The following TBKBP1 variants were observed in gnomAD, a reference collection of about 807,000 sequenced individuals.
The protein encoded by TBKBP1 is TBK1 binding protein 1.
Under a neutral mutation model 69.9 loss-of-function variants are expected in TBKBP1, and 47 were observed. That is an observed-to-expected ratio of 0.67 (90% confidence interval 0.53 to 0.86). TBKBP1 has a LOEUF of 0.86. Ranked by LOEUF, TBKBP1 falls within the 40% of genes least tolerant of loss-of-function variation. The pLI is 0.00. For synonymous variants in TBKBP1, 418 were observed against 390.3 expected (o/e 1.07, Z -0.84); for missense variants, 831 against 858.6 (o/e 0.97, Z 0.40).
At chr17:47,694,507 T>C (rs67919208) in intron 1 of TBKBP1, 80,960 of 151,478 alleles carry the variant, frequency 0.53, 22,151 homozygotes, top group African/African-American at 0.64. Flanking sequence ...CGACAATTTC[T>C]GTCGGCCGAG....
In TBKBP1 at chr17:47,699,465, G is replaced by C; in HGVS notation, c.780G>C (p.Glu260Asp). 1 of 1,573,540 alleles carries C rather than the reference G, an allele frequency of 6.4e-7. No homozygotes were observed. Among genetic ancestry groups the C allele is most frequent in the South Asian group, 1.2e-5 (1 of 86,584 alleles). The change falls in exon 6 of 10, where the codon GAG (glutamate) becomes GAC (aspartate). Residue 260 changes from glutamate to aspartate, a missense_variant. By Grantham distance (45) the Glu-to-Asp change is conservative. Coordinates refer to ENST00000578982, the MANE Select transcript of TBKBP1 (RefSeq NM_001394755.1). ...CCGAGTGCGAGCGGCTGCAGGGGGA[G>C]CTGAAGCAGCTGCAGGAGACCCGGG... is the stretch of plus-strand genomic sequence containing the variant. Reference protein sequence around the residue: ...LQAECERLQGELKQLQETRAQ... With the variant: ...LQAECERLQGDLKQLQETRAQ...
Position 47,708,669 on chromosome 17 carries a change from C to T in TBKBP1, c.992-56C>T. 1 of 1,467,458 alleles carries T rather than the reference C, an allele frequency of 6.8e-7. No individual in the cohort carries two copies. Among genetic ancestry groups the T allele is most frequent in the South Asian group, 1.4e-5 (1 of 73,540 alleles). The allele number at this position is 1,467,458 out of a possible 1,614,324, so 90.9% of individuals were successfully genotyped here. On this transcript the variant is annotated intron_variant, in intron 8 of 9. Transcript: ENST00000578982. This position sits in a 1 kb window ranked among gnomAD's most constrained non-coding sequence, Gnocchi z 4.4. The stretch of plus-strand genomic sequence containing the variant: ...CGGGCAAGCCCCTGGCGCTCCAGTT[C>T]TGAGGTCTTCTCTCTGCACCTTTGT...
chr17:47,694,817 G>A (rs1211503421), intron 1 of TBKBP1, among the ~76,000 whole-genome samples: 1 of 146,428 alleles, frequency 6.8e-6, no homozygotes, highest in African/African-American at 2.5e-5. Flanking sequence ...CTACAAACGC[G>A]CGCACACACT....
At chr17:47,698,882 C>T (rs1022718499) in intron 5 of TBKBP1, 107 bp downstream of exon 5, 16 of 1,121,384 alleles carry the variant, frequency 1.4e-5, no homozygotes, top group Middle Eastern at 2.0e-4. Flanking sequence ...TAATCTATTT[C>T]TCCATAATCA....
intron 7 of TBKBP1, among the ~76,000 whole-genome samples, chr17:47,703,210 C>T (rs948733270): frequency 7.2e-5 from 11 of 152,124 alleles, no homozygotes; most frequent in African/African-American, 2.2e-4. Context: ...CACCTCCCCC[C>T]CCACCCCTCT....
intron 7 of TBKBP1, among the ~76,000 whole-genome samples, chr17:47,706,025 CTG>C (rs1037406785): frequency 5.1e-4 from 77 of 152,244 alleles, no homozygotes; most frequent in African/African-American, 1.7e-3. Flanking sequence ...GTGGTAGAAA[CTG>C]GGGTAGCTCC....
In TBKBP1 at chr17:47,710,236, G is replaced by T. The variant is rs867182816; in HGVS notation, c.1720-262G>T. ...TTAGTCACTCTGGGGGCATGTCTGG[G>T]TCTTGGCTTCTCTCATTACCACAGA... On this transcript the variant is annotated intron_variant, in intron 9 of 9. Coordinates refer to ENST00000578982, the MANE Select transcript of TBKBP1 (RefSeq NM_001394755.1). Among the ~76,000 whole-genome samples, 7 of 152,318 alleles carry T rather than the reference G, an allele frequency of 4.6e-5. No homozygotes were observed. In the South Asian group the frequency reaches 1.5e-3, roughly 32 times the overall value.
chr17:47,708,763 G>T lies in TBKBP1; in HGVS notation c.1030G>T (p.Ala344Ser). 2 of 1,092,870 alleles carry T rather than the reference G, an allele frequency of 1.8e-6. No homozygotes were observed. Among genetic ancestry groups the T allele is most frequent in the Non-Finnish European group, 2.5e-6 (2 of 786,838 alleles). The allele number at this position is 1,092,870 out of a possible 1,614,324, so 67.7% of individuals were successfully genotyped here. A position where few individuals can be genotyped will look rare whatever the true frequency, so the allele number is the denominator to read the frequency against. The part of the protein sequence containing the change: ...HSPLSQRHSP[A>S]PQCPSPSPPA... ...GCCGCTGTCACAACGCCACTCCCCG[G>T]CCCCCCAGTGCCCCTCCCCCTCCCC... Residue 344 changes from alanine to serine, a missense_variant, in exon 9 of 10, where the codon GCC becomes TCC. Physicochemically the swap from Ala to Ser is moderately conservative, Grantham distance 99 (BLOSUM62 1). Coordinates refer to ENST00000578982, the MANE Select transcript of TBKBP1 (RefSeq NM_001394755.1). The surrounding 1 kb of genome is among the most constrained non-coding windows in gnomAD (Gnocchi z 4.4).
intron 4 of TBKBP1, among the ~76,000 whole-genome samples, chr17:47,697,938 G>C (rs942792728): frequency 8.5e-6 from 1 of 117,886 alleles, no homozygotes; most frequent in Non-Finnish European, 1.6e-5. Context: ...GACATAGCCA[G>C]ACCCTGTCTC....
At chr17:47,696,377 G>A (rs755800188) in intron 2 of TBKBP1, 40 bp downstream of exon 2, 7 of 1,590,416 alleles carry the variant, frequency 4.4e-6, no homozygotes, top group Non-Finnish European at 2.6e-6. Flanking sequence ...AGAGTGTATG[G>A]GATGGGGAGG....
chr17:47,697,228 T>C (rs1046304632), intron 4 of TBKBP1, 35 bp downstream of exon 4: 2 of 1,569,678 alleles, frequency 1.3e-6, no homozygotes, highest in Non-Finnish European at 1.7e-6. Flanking sequence ...CTTGAGGATG[T>C]GTAGCTGGTT....
chr17:47,695,138 C>T (rs543177968), intron 1 of TBKBP1: 5 of 152,858 alleles, frequency 3.3e-5, no homozygotes, highest in Non-Finnish European at 7.3e-5. Context: ...CTCCTGGTCG[C>T]TGCCCCACTC....
rs1374839877 is a variant in TBKBP1, at chr17:47,696,059, G to C, written c.-34-20G>C. 2 of 1,430,188 alleles carry C rather than the reference G, an allele frequency of 1.4e-6. No individual in the cohort carries two copies. The highest frequency in any genetic ancestry group is 2.3e-5 in the East Asian group (1 of 43,408). 88.6% of individuals were successfully genotyped at this position (1,430,188 alleles called of 1,614,324 possible). ...ACCCTAGACAGACGGCCCTGTCCAC[G>C]GTTGCTCCTGCTCTCCTAGGAGGCC... On this transcript the variant is annotated intron_variant, in intron 1 of 9. Coordinates refer to ENST00000578982, the MANE Select transcript of TBKBP1 (RefSeq NM_001394755.1).
chr17:47,710,434 G>C, intron 9 of TBKBP1, 64 bp from the exon 10 acceptor site: 1 of 1,570,088 alleles, frequency 6.4e-7, no homozygotes, highest in Non-Finnish European at 8.7e-7. Context: ...GACAGGGCAG[G>C]CTGGGATGTG....
intron 7 of TBKBP1, among the ~76,000 whole-genome samples, chr17:47,701,606 T>A (rs2031507411): frequency 6.6e-6 from 1 of 152,130 alleles, no homozygotes; most frequent in African/African-American, 2.4e-5. Context: ...CCTCTCTGGA[T>A]CCAGTTTCCC....
chr17:47,707,840 C>T (rs955254963), intron 7 of TBKBP1, among the ~76,000 whole-genome samples: 2 of 152,194 alleles, frequency 1.3e-5, no homozygotes, highest in Non-Finnish European at 2.9e-5. Context: ...ACTTATGGAA[C>T]GAGCTATTCT....
intron 7 of TBKBP1, among the ~76,000 whole-genome samples, chr17:47,701,354 GAC>G (rs145407261): frequency 1.4e-5 from 2 of 143,948 alleles, no homozygotes; most frequent in Admixed American, 6.9e-5. Context: ...GACACACACA[GAC>G]ACACACACAC....
At chr17:47,707,853 G>A (rs2031750093) in intron 7 of TBKBP1, among the ~76,000 whole-genome samples, 1 of 152,218 alleles carries the variant, frequency 6.6e-6, no homozygotes, top group African/African-American at 2.4e-5. Context: ...GCTATTCTAT[G>A]CAGCAGGGTC....
rs1407636030 is a variant in TBKBP1, at chr17:47,708,819, G to A, written c.1086G>A (p.Pro362=). 1 of 475,874 alleles carries A rather than the reference G, an allele frequency of 2.1e-6. No homozygotes were observed. The highest frequency in any genetic ancestry group is 4.5e-5 in the Admixed American group (1 of 21,988). The allele number at this position is 475,874 out of a possible 1,614,324, so 29.5% of individuals were successfully genotyped here. A position where few individuals can be genotyped will look rare whatever the true frequency, so the allele number is the denominator to read the frequency against. The change falls in exon 9 of 10, where the codon CCG becomes CCA. Residue 362 remains proline, a synonymous_variant. Coordinates refer to ENST00000578982, the MANE Select transcript of TBKBP1 (RefSeq NM_001394755.1). The surrounding 1 kb of genome is among the most constrained non-coding windows in gnomAD (Gnocchi z 4.4). ...CCCGAGCGGCTCCCCCGTGCCCCCCGTGCCAGTCCCCCGTCCCCCAGCGCC... is the reference window on the plus strand; with the variant it reads ...CCCGAGCGGCTCCCCCGTGCCCCCCATGCCAGTCCCCCGTCCCCCAGCGCC... ...PPARAAPPCP[P]CQSPVPQRRS...
Sources: allele counts gnomAD v4.1 joint callset (sites outside exome capture counted in the v4.1 genomes callset), GRCh38; gene constraint gnomAD v4.1.1; non-coding constraint Gnocchi (gnomAD v3.1); transcripts MANE v1.5; gene names NCBI Gene and HGNC (gene_info 2026-07-23, HGNC 2026-07-21).